The following CWF19L1 variants were observed in gnomAD, a reference collection of about 807,000 sequenced individuals.
The protein encoded by CWF19L1 is CWF19 like cell cycle control factor 1.
A neutral mutation model predicts 69.7 loss-of-function variants in CWF19L1; 60 were observed. That is an observed-to-expected ratio of 0.86 (90% CI 0.70 to 1.07). The LOEUF (loss-of-function observed/expected upper bound fraction) is 1.07, where lower values mean the gene tolerates loss of function less well. Ranked by LOEUF, CWF19L1 falls within the 50% of genes least tolerant of loss-of-function variation. The probability of loss-of-function intolerance (pLI) is 0.00; values close to 1 mark genes in which losing one functional copy is unlikely to be tolerated. For synonymous variants in CWF19L1, 209 were observed against 222.2 expected (o/e 0.94, Z 0.53); for missense variants, 591 against 638.9 (o/e 0.92, Z 0.81).
At chr10:100,238,436 A>C (rs904861128) in intron 10 of CWF19L1, among the ~76,000 whole-genome samples, 1 of 152,248 alleles carries the variant, frequency 6.6e-6, no homozygotes, top group African/African-American at 2.4e-5. Context: ...ATTCGGCATG[A>C]AAATTTCTAT....
chr10:100,253,331 G>T (rs915373890), intron 6 of CWF19L1, 90 bp downstream of exon 6: 2 of 758,424 alleles, frequency 2.6e-6, no homozygotes, highest in African/African-American at 1.8e-5. Flanking sequence ...GAACCAAGAT[G>T]TTATATGGTT....
At chr10:100,259,837 A>G (rs1053760179) in intron 4 of CWF19L1, among the ~76,000 whole-genome samples, 2 of 152,180 alleles carry the variant, frequency 1.3e-5, no homozygotes, top group Non-Finnish European at 2.9e-5. Flanking sequence ...CTGGGAGACT[A>G]ATTCCTGAGA....
At chr10:100,247,811 G>T (rs574776907) in intron 7 of CWF19L1, among the ~76,000 whole-genome samples, 182 of 152,220 alleles carry the variant, frequency 1.2e-3, no homozygotes, top group African/African-American at 3.5e-3. Flanking sequence ...CAGGAGAATC[G>T]CTTGAACATG....
At chr10:100,245,949 C>G in intron 8 of CWF19L1, 36 bp from the exon 9 acceptor site, 1 of 1,464,894 alleles carries the variant, frequency 6.8e-7, no homozygotes, top group Non-Finnish European at 9.6e-7. Context: ...AAATGTTATT[C>G]AACTAACCTT....
Position 100,248,673 on chromosome 10 carries a change from A to G in CWF19L1, c.708+1575T>C, listed in dbSNP as rs545780485. The stretch of plus-strand genomic sequence containing the variant: ...TGGCTCACTTTGATGCTGGAGAACT[A>G]ATCACCTAAAGAGAGCTGGTCTCCA... On this transcript the variant is annotated intron_variant, in intron 7 of 13. Transcript: ENST00000354105. 106 of 902,608 alleles carry G rather than the reference A, an allele frequency of 1.2e-4. No individual in the cohort carries two copies. In the South Asian group the frequency reaches 1.4e-3, roughly 12 times the overall value. The allele number at this position is 902,608 out of a possible 1,614,324, so 55.9% of individuals were successfully genotyped here. A position where few individuals can be genotyped will look rare whatever the true frequency, so the allele number is the denominator to read the frequency against.
chr10:100,266,924 C>T (rs527895676), intron 1 of CWF19L1, among the ~76,000 whole-genome samples: 2 of 151,628 alleles, frequency 1.3e-5, no homozygotes, highest in Admixed American at 6.6e-5. Flanking sequence ...CGGCTCACAG[C>T]AACCTCCGCC....
chr10:100,250,892 G>A (rs60369502), intron 6 of CWF19L1, among the ~76,000 whole-genome samples: 1,777 of 150,826 alleles, frequency 0.012, 35 homozygotes, highest in African/African-American at 0.042. Context: ...AGGCTGCAGT[G>A]AGCCTTGATA....
At chr10:100,242,023 C>T (rs1846654268) in intron 10 of CWF19L1, among the ~76,000 whole-genome samples, 1 of 152,078 alleles carries the variant, frequency 6.6e-6, no homozygotes, top group East Asian at 1.9e-4. Context: ...ACAGAAAACC[C>T]AGGGAAATCA....
At chr10:100,247,835 G>A (rs754125368) in intron 7 of CWF19L1, among the ~76,000 whole-genome samples, 2 of 152,252 alleles carry the variant, frequency 1.3e-5, no homozygotes, top group East Asian at 3.9e-4. Context: ...GGTGGAGGTT[G>A]CAGTAAGCCG....
intron 4 of CWF19L1, among the ~76,000 whole-genome samples, chr10:100,259,918 G>A (rs1175869235): frequency 2.6e-5 from 4 of 152,152 alleles, no homozygotes; most frequent in African/African-American, 9.7e-5. Flanking sequence ...TGTAATCCCA[G>A]CACTCTGGGA....
chr10:100,255,828 G>A (rs959772231), intron 5 of CWF19L1, among the ~76,000 whole-genome samples: 2 of 151,802 alleles, frequency 1.3e-5, no homozygotes, highest in African/African-American at 4.8e-5. Context: ...TACTCAGGAG[G>A]CTGAGGCAGG....
intron 4 of CWF19L1, among the ~76,000 whole-genome samples, 185 bp downstream of exon 4, chr10:100,260,033 T>C (rs2134320053): frequency 6.6e-6 from 1 of 152,086 alleles, no homozygotes; most frequent in East Asian, 1.9e-4. Context: ...CCGGGTATGG[T>C]CACACACGCC....
chr10:100,263,211 C>T (rs1847464278), intron 1 of CWF19L1, among the ~76,000 whole-genome samples: 2 of 152,218 alleles, frequency 1.3e-5, no homozygotes, highest in Non-Finnish European at 2.9e-5. Context: ...TCCCCACTGC[C>T]TATAGAACCA....
At position 100,256,329 on chromosome 10, in the gene CWF19L1, A is replaced by T. The variant is rs79697381; in HGVS notation, c.437T>A (p.Phe146Tyr). Reference sequence around the variant, plus strand: ...TGTGAGCAAGATATCAACACCCTTAAACTGGGAGGTTGTACACAGCATCAT... The same window carrying T: ...TGTGAGCAAGATATCAACACCCTTATACTGGGAGGTTGTACACAGCATCAT... Reference protein sequence around the residue: ...LRMMLCTTSQFKGVDILLTSP... With the variant: ...LRMMLCTTSQYKGVDILLTSP... Residue 146 changes from phenylalanine (F) to tyrosine (Y), a missense_variant, in exon 5 of 14, where the codon TTT (phenylalanine) becomes TAT (tyrosine). By Grantham distance (22) the Phe-to-Tyr change is conservative. Around this residue, in one of 3 missense-constraint regions of CWF19L1, gnomAD observed 458 missense variants for 489.3 expected, o/e 0.94. Coordinates refer to ENST00000354105, the MANE Select transcript of CWF19L1 (RefSeq NM_018294.6). 475 of 1,614,124 alleles carry T rather than the reference A, an allele frequency of 2.9e-4. No homozygotes were observed. In the African/African-American group the frequency reaches 5.5e-3, roughly 19 times the overall value.
intron 4 of CWF19L1, among the ~76,000 whole-genome samples, chr10:100,257,964 A>C (rs1369411786): frequency 6.6e-6 from 1 of 152,142 alleles, no homozygotes; most frequent in Non-Finnish European, 1.5e-5. Context: ...TCGGACCAGC[A>C]CAGTGGCTAA....
chr10:100,257,726 T>C (rs763323316), intron 4 of CWF19L1, among the ~76,000 whole-genome samples: 34 of 152,256 alleles, frequency 2.2e-4, no homozygotes, highest in Middle Eastern at 6.8e-3. Context: ...AAGTTGACAA[T>C]ATCTTTACCT....
At chr10:100,262,774 A>T (rs891825011) in intron 1 of CWF19L1, among the ~76,000 whole-genome samples, 3 of 152,198 alleles carry the variant, frequency 2.0e-5, no homozygotes, top group African/African-American at 2.4e-5. Flanking sequence ...TTTTACTATC[A>T]TCTCATTTCT....
chr10:100,245,935 G>A (rs1661399632), intron 8 of CWF19L1, 22 bp from the exon 9 acceptor site: 1 of 1,561,854 alleles, frequency 6.4e-7, no homozygotes. Flanking sequence ...AAAAGCAGAA[G>A]ATTAAATGTT....
chr10:100,256,680 CCCTACGTGG>C (rs1486311538), intron 4 of CWF19L1, among the ~76,000 whole-genome samples: 1 of 152,132 alleles, frequency 6.6e-6, no homozygotes, highest in Non-Finnish European at 1.5e-5. Context: ...ATATGAACAG[CCCTACGTGG>C]AGGCTGCTGG....
Sources: gnomAD v4.1 joint callset for allele counts (sites outside exome capture counted in the v4.1 genomes callset) on GRCh38, gnomAD v4.1.1 for gene constraint, gnomAD v4.1.1 regional missense constraint, MANE v1.5 for transcripts, NCBI Gene and HGNC (gene_info 2026-07-23, HGNC 2026-07-21) for gene names.